Variants in ANKRD17 observed in about 807,000 individuals in gnomAD.
ANKRD17 encodes ankyrin repeat domain 17.
ANKRD17 carries 19 observed loss-of-function variants against 229.7 expected under a neutral mutation model. The observed-to-expected ratio is 0.08, with a 90% CI of 0.06 to 0.12. The LOEUF (loss-of-function observed/expected upper bound fraction) is 0.12, where lower values mean the gene tolerates loss of function less well. Ranked by LOEUF, ANKRD17 falls within the 10% of genes least tolerant of loss-of-function variation. The probability of loss-of-function intolerance (pLI) is 1.00; values close to 1 mark genes in which losing one functional copy is unlikely to be tolerated. For missense variants in ANKRD17, 2,176 were observed against 3,176.8 expected, an observed-to-expected ratio of 0.68 and a Z score of 7.57; for synonymous variants, 1,112 against 1,146.1, an observed-to-expected ratio of 0.97 and a Z score of 0.60.
At chr4:73,255,739 T>C (rs1745394775) in intron 1 of ANKRD17, among the ~76,000 whole-genome samples, 1 of 152,194 alleles carries the variant, frequency 6.6e-6, no homozygotes, top group African/African-American at 2.4e-5. Context: ...TTTTTTTTTT[T>C]TGAGACAGAG....
chr4:73,105,905 G>A (rs1197908387), intron 24 of ANKRD17, among the ~76,000 whole-genome samples: 3 of 152,236 alleles, frequency 2.0e-5, no homozygotes, highest in Middle Eastern at 3.4e-3. Flanking sequence ...AAAGGCATAG[G>A]GAGAGGTGCT....
Position 73,144,810 on chromosome 4 carries a change from C to T in ANKRD17, c.1892G>A (p.Arg631Lys). 2 of 1,594,674 alleles carry T rather than the reference C, an allele frequency of 1.3e-6. No individual in the cohort carries two copies. The highest frequency in any genetic ancestry group is 1.7e-6 in the Non-Finnish European group (2 of 1,170,616). ...TCTTGCAGCTTTCATTAAAGGAGTT[C>T]TTCCACCTTCAGATTCATGTTCCTG... The part of the protein sequence containing the change: ...ADLEHESEGG[R>K]TPLMKAARAG... Residue 631 changes from arginine to lysine, a missense_variant, in exon 11 of 34, where the codon AGA becomes AAA. Coordinates refer to ENST00000358602, the MANE Select transcript of ANKRD17 (RefSeq NM_032217.5).
chr4:73,112,825 T>C (rs1725481321), intron 24 of ANKRD17: 1 of 536,886 alleles, frequency 1.9e-6, no homozygotes, highest in Non-Finnish European at 2.4e-6. Context: ...TCTCACTCTG[T>C]TGCCCAGGCT....
chr4:73,190,526 AAAAAC>A (rs1736912118), intron 1 of ANKRD17, among the ~76,000 whole-genome samples: 1 of 151,542 alleles, frequency 6.6e-6, no homozygotes, highest in African/African-American at 2.4e-5. Flanking sequence ...GTAAGACCAG[AAAAAC>A]AAAACAAATG....
At chr4:73,142,892 C>CT in intron 11 of ANKRD17, 125 bp from the exon 12 acceptor site, 1 of 1,054,948 alleles carries the variant, frequency 9.5e-7, no homozygotes, top group Non-Finnish European at 1.3e-6. Flanking sequence ...CATTACCGAG[C>CT]TTTAATGATT....
chr4:73,184,528 CAAAAAAAAAAAAAAAA>C (rs776930137), intron 1 of ANKRD17, among the ~76,000 whole-genome samples: 1 of 29,976 alleles, frequency 3.3e-5, no homozygotes, highest in African/African-American at 1.3e-4. Flanking sequence ...GACTTCCTCT[CAAAAAAAAAAAAAAAA>C]AAAAAAAAAG....
At chr4:73,167,879 A>G (rs1733439731) in intron 2 of ANKRD17, among the ~76,000 whole-genome samples, 1 of 152,180 alleles carries the variant, frequency 6.6e-6, no homozygotes, top group African/African-American at 2.4e-5. Flanking sequence ...CCGGTTGGGC[A>G]CAGTGGCTCA....
chr4:73,151,421 C>A lies in ANKRD17; in HGVS notation c.1329+9G>T. The stretch of plus-strand genomic sequence containing the variant: ...TATAAACATATTTGACATATTTCAC[C>A]AATCTTACCATGCAAGCCTCCATCA... On this transcript the variant is annotated intron_variant, in intron 7 of 33. Transcript: ENST00000358602. 1 of 1,610,482 alleles carries A rather than the reference C, an allele frequency of 6.2e-7. No homozygotes were observed. The highest frequency in any genetic ancestry group is 1.3e-5 in the African/African-American group (1 of 74,838).
At chr4:73,204,901 A>G (rs1739246475) in intron 1 of ANKRD17, among the ~76,000 whole-genome samples, 1 of 149,406 alleles carries the variant, frequency 6.7e-6, no homozygotes, top group African/African-American at 2.5e-5. Context: ...AAAAAGGAAT[A>G]CTAAAAATAC....
At chr4:73,176,836 T>TA (rs1355551297) in intron 2 of ANKRD17, among the ~76,000 whole-genome samples, 1 of 152,134 alleles carries the variant, frequency 6.6e-6, no homozygotes, top group Admixed American at 6.6e-5. Context: ...CATAAATACT[T>TA]ACACCTACTA....
At chr4:73,087,244 C>T (rs1212234702) in intron 29 of ANKRD17, among the ~76,000 whole-genome samples, 2 of 151,666 alleles carry the variant, frequency 1.3e-5, no homozygotes, top group African/African-American at 4.8e-5. Flanking sequence ...TGCCACCACA[C>T]CCAGCTTTTT....
At chr4:73,157,832 G>A (rs932132238) in intron 3 of ANKRD17, among the ~76,000 whole-genome samples, 30 of 152,284 alleles carry the variant, frequency 2.0e-4, no homozygotes, top group African/African-American at 7.2e-4. Flanking sequence ...GCTCACGCCT[G>A]TAATCCCAGC....
chr4:73,201,308 G>T (rs1738643221), intron 1 of ANKRD17, among the ~76,000 whole-genome samples: 1 of 151,974 alleles, frequency 6.6e-6, no homozygotes, highest in African/African-American at 2.4e-5. Flanking sequence ...TGGCTAAAGG[G>T]TATCTATAAA....
chr4:73,207,744 G>A (rs1251102817), intron 1 of ANKRD17, among the ~76,000 whole-genome samples: 1 of 152,170 alleles, frequency 6.6e-6, no homozygotes, highest in Non-Finnish European at 1.5e-5. Context: ...AAATGTGTAT[G>A]TACCTCATGA....
At chr4:73,090,350 C>T (rs192755276) in intron 29 of ANKRD17, among the ~76,000 whole-genome samples, 6 of 152,080 alleles carry the variant, frequency 3.9e-5, no homozygotes, top group Admixed American at 2.0e-4. Context: ...GCAGAGGTTG[C>T]GGTGAGCTGA....
At chr4:73,122,398 G>A (rs1404768494) in intron 18 of ANKRD17, among the ~76,000 whole-genome samples, 1 of 152,142 alleles carries the variant, frequency 6.6e-6, no homozygotes, top group African/African-American at 2.4e-5. Flanking sequence ...GTTATTGCCA[G>A]TCGTCAATTT....
intron 2 of ANKRD17, among the ~76,000 whole-genome samples, chr4:73,171,036 G>T (rs1380820668): frequency 6.6e-6 from 1 of 152,072 alleles, no homozygotes; most frequent in Non-Finnish European, 1.5e-5. Context: ...AACATAGGTG[G>T]TAGCCAGGTA....
chr4:73,179,518 A>ATATATATTTT (rs1192164276), intron 1 of ANKRD17, among the ~76,000 whole-genome samples: 7 of 40,786 alleles, frequency 1.7e-4, no homozygotes, highest in African/African-American at 3.7e-4. Flanking sequence ...ATATATATAT[A>ATATATATTTT]TTTTTTTTTT....
chr4:73,137,459 A>G (rs759925596), intron 15 of ANKRD17, among the ~76,000 whole-genome samples: 14 of 152,174 alleles, frequency 9.2e-5, no homozygotes, highest in Non-Finnish European at 2.1e-4. Flanking sequence ...AGGGAGGAAA[A>G]GAAGACGATG....
Sources: allele counts gnomAD v4.1 joint callset (sites outside exome capture counted in the v4.1 genomes callset), GRCh38; gene constraint gnomAD v4.1.1; transcripts MANE v1.5; gene names NCBI Gene and HGNC (gene_info 2026-07-23, HGNC 2026-07-21).